KBTBD11: variants seen among roughly 807,000 people sequenced by gnomAD.
The protein encoded by KBTBD11 is kelch repeat and BTB domain containing 11, also known as kelch repeat and BTB domain-containing protein 11.
For synonymous variants in KBTBD11, 747 were observed against 499.0 expected, an observed-to-expected ratio of 1.50 and a Z score of -6.63; for missense variants, 1,390 against 1,001.8, an observed-to-expected ratio of 1.39 and a Z score of -5.23.
intron 1 of KBTBD11, among the ~76,000 whole-genome samples, chr8:1,978,745 C>A (rs11776183): frequency 1.3e-5 from 2 of 151,794 alleles, no homozygotes; most frequent in South Asian, 4.1e-4. Context: ...TTCATCCATG[C>A]GGCATGTTTG....
intron 1 of KBTBD11, among the ~76,000 whole-genome samples, chr8:1,977,925 G>C (rs770655565): frequency 6.6e-6 from 1 of 152,140 alleles, no homozygotes; most frequent in Non-Finnish European, 1.5e-5. Context: ...CTGAATATTC[G>C]TATCACGACC....
chr8:1,978,712 C>T (rs570377684), intron 1 of KBTBD11, among the ~76,000 whole-genome samples: 3 of 152,248 alleles, frequency 2.0e-5, no homozygotes, highest in South Asian at 2.1e-4. Context: ...TCTCACTGGG[C>T]GGGATGGGCG....
At chr8:1,988,783 G>C (rs528399792) in intron 1 of KBTBD11, among the ~76,000 whole-genome samples, 1 of 152,122 alleles carries the variant, frequency 6.6e-6, no homozygotes, top group South Asian at 2.1e-4. Flanking sequence ...CATTTTAGTA[G>C]CTGGCGCGCT....
At chr8:1,995,128 A>T (rs575198696) in intron 1 of KBTBD11, among the ~76,000 whole-genome samples, 70 of 151,896 alleles carry the variant, frequency 4.6e-4, no homozygotes, top group South Asian at 4.6e-3. Flanking sequence ...AGACACTCTA[A>T]TGCATGTTGC....
At chr8:1,988,236 G>C (rs1183609976) in intron 1 of KBTBD11, among the ~76,000 whole-genome samples, 1 of 152,044 alleles carries the variant, frequency 6.6e-6, no homozygotes, top group Non-Finnish European at 1.5e-5. Flanking sequence ...TAGTCCTTTG[G>C]GCATATACCC....
Position 2,001,630 on chromosome 8 carries a change from G to A in KBTBD11, c.438G>A (p.Val146=). The A allele has an allele frequency of 6.8e-7, 1 of 1,479,844 alleles. No individual in the cohort carries two copies. Among genetic ancestry groups the A allele is most frequent in the East Asian group, 2.9e-5 (1 of 34,610 alleles). The allele number at this position is 1,479,844 out of a possible 1,614,324, so 91.7% of individuals were successfully genotyped here. ...VYGEPDLVLE[V]SGRRLRAHKA... ...GGGAGCCGGACCTGGTGCTGGAGGT[G>A]TCGGGGCGCCGGCTGCGCGCGCACA... Residue 146 remains valine (V), a synonymous_variant, in exon 2 of 2, where the codon GTG becomes GTA. Coordinates refer to ENST00000320248, the MANE Select transcript of KBTBD11 (RefSeq NM_014867.3).
Position 2,006,249 on chromosome 8 carries a change from C to T in KBTBD11, c.*3185C>T, listed in dbSNP as rs1427101599. 1.8e-5 allele frequency: 3 copies of T among 167,044 alleles called. No homozygotes were observed. Among genetic ancestry groups the T allele is most frequent in the African/African-American group, 4.8e-5 (2 of 41,448 alleles). 10.3% of individuals were successfully genotyped at this position (167,044 alleles called of 1,614,324 possible). A position where few individuals can be genotyped will look rare whatever the true frequency, so the allele number is the denominator to read the frequency against. On this transcript the variant is annotated 3_prime_UTR_variant, in exon 2 of 2. Transcript: ENST00000320248. Reference sequence around the variant, plus strand: ...AATCTGTCAGTCTCTTAGGTAACTTCCTGTAAACGATTTGGAAATAGGATG... The same window carrying T: ...AATCTGTCAGTCTCTTAGGTAACTTTCTGTAAACGATTTGGAAATAGGATG...
chr8:1,974,405 G>A, intron 1 of KBTBD11: 1 of 984,820 alleles, frequency 1.0e-6, no homozygotes, highest in Non-Finnish European at 1.2e-6. Flanking sequence ...AAGCGCGCGG[G>A]GCCAGGGCGG....
Position 2,002,774 on chromosome 8 carries a change from C to A in KBTBD11, c.1582C>A (p.His528Asn). The A allele has an allele frequency of 6.8e-7, 1 of 1,473,060 alleles. No homozygotes were observed. The allele number at this position is 1,473,060 out of a possible 1,614,324, so 91.2% of individuals were successfully genotyped here. A position where few individuals can be genotyped will look rare whatever the true frequency, so the allele number is the denominator to read the frequency against. The change falls in exon 2 of 2, where the codon CAC becomes AAC. Residue 528 changes from histidine (H) to asparagine (N), a missense_variant. By Grantham distance (68) the His-to-Asn change is moderately conservative (BLOSUM62 1). Transcript: ENST00000320248. This position sits in a 1 kb window ranked among gnomAD's most constrained non-coding sequence, Gnocchi z 4.1. ...GAGCGGGGTCAGCGTGTCCCGATAC[C>A]ACTGCCTGGCCAAGCAGTGGAGCCC... ...GPSGVSVSRY[H>N]CLAKQWSPCV... is the part of the protein sequence containing the mutation.
chr8:1,990,222 TGG>T (rs1816861637), intron 1 of KBTBD11, among the ~76,000 whole-genome samples: 6 of 145,530 alleles, frequency 4.1e-5, no homozygotes, highest in Non-Finnish European at 6.1e-5. Context: ...AGGTGGGTGC[TGG>T]GCCTTGGTGC....
In KBTBD11 at chr8:1,983,026, TG is replaced by T. The variant is rs576247127; in HGVS notation, c.-909+9092del. 5.3e-5 allele frequency among the ~76,000 whole-genome samples: 8 copies of T among 152,266 alleles called. No homozygotes were observed. The East Asian group carries it at 1.4e-3, about 26-fold the overall frequency. ...CAGGCATGAGCCAGGTGGGCTCTTT[TG>T]ATGTCCTGGGTGAGGCTTGGTTTAG... On this transcript the variant is annotated intron_variant, in intron 1 of 1. Coordinates refer to ENST00000320248, the MANE Select transcript of KBTBD11 (RefSeq NM_014867.3).
chr8:1,995,112 T>C (rs1817088401), intron 1 of KBTBD11, among the ~76,000 whole-genome samples: 1 of 149,038 alleles, frequency 6.7e-6, no homozygotes, highest in South Asian at 2.1e-4. Context: ...TGTGCTGTGG[T>C]GGGACAGACA....
In KBTBD11 at chr8:2,002,578, CG is replaced by C; in HGVS notation, c.1391del (p.Gly464AlafsTer44). The C allele has an allele frequency of 6.3e-7, 1 of 1,582,174 alleles. No homozygotes were observed. ...CCTGCCACGGCGAGATCTACGTGTC[CG>C]GGGGCTCCCTCTTCTATCGCCTGCT... The part of the protein sequence containing the change: ...TTCHGEIYVS[G>X]GSLFYRLLKY... On this transcript the variant is annotated frameshift_variant, in exon 2 of 2. Coordinates refer to ENST00000320248, the MANE Select transcript of KBTBD11 (RefSeq NM_014867.3). LOFTEE classifies it low-confidence loss of function (END_TRUNC). The surrounding 1 kb of genome is among the most constrained non-coding windows in gnomAD (Gnocchi z 4.1).
At chr8:1,998,063 A>G (rs1324414723) in intron 1 of KBTBD11, among the ~76,000 whole-genome samples, 2 of 152,250 alleles carry the variant, frequency 1.3e-5, no homozygotes, top group Non-Finnish European at 2.9e-5. Context: ...TGAGTTGAAC[A>G]TCCCAAATTT....
intron 1 of KBTBD11, among the ~76,000 whole-genome samples, chr8:1,982,480 A>G (rs73184734): frequency 1.5e-5 from 2 of 135,628 alleles, no homozygotes; most frequent in Non-Finnish European, 3.4e-5. Context: ...TTAAAAAAAC[A>G]TATAAGACCC....
At chr8:1,978,830 C>T (rs1159360842) in intron 1 of KBTBD11, among the ~76,000 whole-genome samples, 2 of 97,516 alleles carry the variant, frequency 2.1e-5, no homozygotes, top group Non-Finnish European at 4.4e-5. Context: ...CCCCAAGTCT[C>T]ATCCTGTTGT....
chr8:1,987,604 G>A (rs1388639377), intron 1 of KBTBD11, among the ~76,000 whole-genome samples: 2 of 152,032 alleles, frequency 1.3e-5, no homozygotes, highest in African/African-American at 2.4e-5. Context: ...TCTGTACCTC[G>A]AGGACTTCTC....
At chr8:1,993,516 TCCACCCATCCATCCAC>T (rs1817007181) in intron 1 of KBTBD11, among the ~76,000 whole-genome samples, 6 of 37,050 alleles carry the variant, frequency 1.6e-4, no homozygotes, top group East Asian at 3.4e-3. Flanking sequence ...CATCCATCCA[TCCACCCATCCATCCAC>T]CCACCCACCC....
chr8:1,973,711 G>A lies in KBTBD11; in HGVS notation c.-1133G>A, dbSNP rs2129305953. 4 of 983,722 alleles carry A rather than the reference G, an allele frequency of 4.1e-6. No homozygotes were observed. Among genetic ancestry groups the A allele is most frequent in the East Asian group, 1.1e-4 (1 of 8,720 alleles). The allele number at this position is 983,722 out of a possible 1,614,324, so 60.9% of individuals were successfully genotyped here. On this transcript the variant is annotated 5_prime_UTR_variant, in exon 1 of 2. Transcript: ENST00000320248. ...GCGCGCCCCTCGCAGCCTGGAGCCG[G>A]AGCGCTGGCTCCGCGCGGCCTGGAG...
Sources: allele counts gnomAD v4.1 joint callset (sites outside exome capture counted in the v4.1 genomes callset), GRCh38; gene constraint gnomAD v4.1.1; non-coding constraint Gnocchi (gnomAD v3.1); transcripts MANE v1.5; gene names NCBI Gene and HGNC (gene_info 2026-07-23, HGNC 2026-07-21).